Variants in ACKR2 observed in about 807,000 individuals in gnomAD.
ACKR2 encodes the protein C-C chemokine receptor D6.
For missense variants in ACKR2, 457 were observed against 477.3 expected, an observed-to-expected ratio of 0.96 and a Z score of 0.40; for synonymous variants, 207 against 192.2, an observed-to-expected ratio of 1.08 and a Z score of -0.64.
intron 2 of ACKR2, among the ~76,000 whole-genome samples, chr3:42,827,734 A>G (rs1700882542): frequency 6.6e-6 from 1 of 152,096 alleles, no homozygotes; most frequent in Non-Finnish European, 1.5e-5. Context: ...GGACTTGTTC[A>G]CTTTGTCTCT....
Position 42,865,701 on chromosome 3 carries a change from A to C in ACKR2, c.*44A>C. On this transcript the variant is annotated 3_prime_UTR_variant, in exon 3 of 3. Transcript: ENST00000422265. ...GGTGGGAACAGATGGGAACCAGCTC[A>C]ATTGGGTGTCCACTCAAAGTGCTCT... 83 of 1,497,000 alleles carry C rather than the reference A, an allele frequency of 5.5e-5. No individual in the cohort carries two copies. The highest frequency in any genetic ancestry group is 1.9e-4 in the Middle Eastern group (1 of 5,390). The allele number at this position is 1,497,000 out of a possible 1,614,324, so 92.7% of individuals were successfully genotyped here. A position where few individuals can be genotyped will look rare whatever the true frequency, so the allele number is the denominator to read the frequency against.
At chr3:42,839,164 AGGGATCCTT>A (rs1222624786) in intron 2 of ACKR2, 2 of 151,984 alleles carry the variant, frequency 1.3e-5, no homozygotes, top group Non-Finnish European at 2.9e-5. Context: ...CCTGTGGGAG[AGGGATCCTT>A]CATCCTGGAC....
At chr3:42,840,657 T>A (rs1215405246) in intron 2 of ACKR2, among the ~76,000 whole-genome samples, 1 of 152,228 alleles carries the variant, frequency 6.6e-6, no homozygotes, top group East Asian at 1.9e-4. Context: ...ATTATGATAC[T>A]CTATGTTGAG....
chr3:42,817,026 A>G (rs1245011111), intron 1 of ACKR2, among the ~76,000 whole-genome samples: 1 of 152,188 alleles, frequency 6.6e-6, no homozygotes, highest in Non-Finnish European at 1.5e-5. Flanking sequence ...GCTTATGGAC[A>G]TTATGACCTT....
At chr3:42,840,956 C>G (rs1331240399) in intron 2 of ACKR2, among the ~76,000 whole-genome samples, 1 of 152,198 alleles carries the variant, frequency 6.6e-6, no homozygotes, top group Non-Finnish European at 1.5e-5. Context: ...TCCCAAAGTG[C>G]TGGGATTACA....
chr3:42,857,884 C>T (rs1001899522), intron 2 of ACKR2, among the ~76,000 whole-genome samples: 6 of 152,230 alleles, frequency 3.9e-5, no homozygotes, highest in South Asian at 2.1e-4. Context: ...GTTTTCCCCT[C>T]GCAGTGTAAA....
chr3:42,828,906 T>C (rs557930446), intron 2 of ACKR2, among the ~76,000 whole-genome samples: 1 of 152,362 alleles, frequency 6.6e-6, no homozygotes, highest in South Asian at 2.1e-4. Flanking sequence ...CATAGTTGTA[T>C]ATATTAGTGG....
intron 1 of ACKR2, among the ~76,000 whole-genome samples, chr3:42,810,425 TCCTTTTTCG>T (rs1186851656): frequency 3.3e-5 from 5 of 151,100 alleles, no homozygotes; most frequent in Admixed American, 6.6e-5. Context: ...CCAATTTTTC[TCCTTTTTCG>T]CCTTTTTTCC....
intron 2 of ACKR2, among the ~76,000 whole-genome samples, chr3:42,848,554 G>C (rs1701121852): frequency 6.6e-6 from 1 of 151,988 alleles, no homozygotes; most frequent in African/African-American, 2.4e-5. Context: ...ATTAATACAT[G>C]TAGAAAGAAT....
At chr3:42,843,294 C>A (rs1209482901) in intron 2 of ACKR2, among the ~76,000 whole-genome samples, 1 of 151,824 alleles carries the variant, frequency 6.6e-6, no homozygotes, top group African/African-American at 2.4e-5. Context: ...TGGTCTCGAA[C>A]TCCTGACCTC....
intron 1 of ACKR2, among the ~76,000 whole-genome samples, chr3:42,818,928 C>T (rs1700781594): frequency 6.6e-6 from 1 of 151,848 alleles, no homozygotes; most frequent in Non-Finnish European, 1.5e-5. Flanking sequence ...AAAAATGGAT[C>T]TTGGATTCTT....
At chr3:42,839,218 G>C (rs530909383) in intron 2 of ACKR2, 1 of 152,102 alleles carries the variant, frequency 6.6e-6, no homozygotes, top group Non-Finnish European at 1.5e-5. Flanking sequence ...ATAAAAACCA[G>C]AGCCACGTGC....
chr3:42,858,885 G>A (rs1021298163), intron 2 of ACKR2, among the ~76,000 whole-genome samples: 1 of 151,774 alleles, frequency 6.6e-6, no homozygotes, highest in Admixed American at 6.6e-5. Flanking sequence ...GCATACACAA[G>A]GATCAATAGC....
intron 2 of ACKR2, chr3:42,835,433 C>T (rs926982621): frequency 6.6e-6 from 1 of 151,938 alleles, no homozygotes; most frequent in African/African-American, 2.4e-5. Flanking sequence ...CTGCTCTGTT[C>T]ATCTGCCTAT....
rs2088441202 is a variant in ACKR2 at position 42,866,979 on chromosome 3, TCCTC to T, written c.*1325_*1328del. On this transcript the variant is annotated 3_prime_UTR_variant, in exon 3 of 3. Coordinates refer to ENST00000422265, the MANE Select transcript of ACKR2 (RefSeq NM_001296.5). ...GCCACCACCTCCTGAGCTCAAGTGA[TCCTC>T]CCATCTAAGCCCCCAAGTAGCTAGG... 6.1e-6 allele frequency: 1 copy of T among 162,612 alleles called. No homozygotes were observed. Among genetic ancestry groups the T allele is most frequent in the Non-Finnish European group, 1.5e-5 (1 of 68,034 alleles). The allele number at this position is 162,612 out of a possible 1,614,324, so 10.1% of individuals were successfully genotyped here.
intron 1 of ACKR2, among the ~76,000 whole-genome samples, chr3:42,814,187 C>A (rs1700725758): frequency 6.6e-6 from 1 of 152,202 alleles, no homozygotes; most frequent in African/African-American, 2.4e-5. Context: ...AAGAAAATGA[C>A]AATGACACAC....
chr3:42,865,066 T>G lies in ACKR2; in HGVS notation c.564T>G (p.Asn188Lys). 4 of 1,613,990 alleles carry G rather than the reference T, an allele frequency of 2.5e-6. No individual in the cohort carries two copies. Among genetic ancestry groups the G allele is most frequent in the Non-Finnish European group, 3.4e-6 (4 of 1,180,002 alleles). ...TGGTCTTTGTACAGACACATGAAAA[T>G]CCCAAGGGTGTGTGGAACTGCCACG... The part of the protein sequence containing the change: ...PDMVFVQTHE[N>K]PKGVWNCHAD... The change falls in exon 3 of 3, where the codon AAT (asparagine) becomes AAG (lysine). Residue 188 changes from asparagine to lysine, a missense_variant. Physicochemically the swap from Asn to Lys is moderately conservative, Grantham distance 94. Transcript: ENST00000422265.
At position 42,826,403 on chromosome 3, in the gene ACKR2, T is replaced by C. The variant is rs1291269278; in HGVS notation, c.-38+6692T>C. Reference sequence around the variant, plus strand: ...GTTCTGGGCTTTTCTTTGTGGGACATTTTTTGATTACTAATGAAATTCCTT... The same window carrying C: ...GTTCTGGGCTTTTCTTTGTGGGACACTTTTTGATTACTAATGAAATTCCTT... On this transcript the variant is annotated intron_variant, in intron 2 of 2. Coordinates refer to ENST00000422265, the MANE Select transcript of ACKR2 (RefSeq NM_001296.5). Among the ~76,000 whole-genome samples the C allele has an allele frequency of 2.6e-5, 4 of 152,128 alleles. No homozygotes were observed. The East Asian group carries it at 5.8e-4, about 22-fold the overall frequency.
chr3:42,849,992 G>A (rs1045256807), intron 2 of ACKR2, among the ~76,000 whole-genome samples: 3 of 152,084 alleles, frequency 2.0e-5, no homozygotes, highest in Non-Finnish European at 2.9e-5. Flanking sequence ...CAGGAATCTC[G>A]TGCTTTATTT....
Sources: allele counts gnomAD v4.1 joint callset (sites outside exome capture counted in the v4.1 genomes callset), GRCh38; gene constraint gnomAD v4.1.1; transcripts MANE v1.5; gene names NCBI Gene and HGNC (gene_info 2026-07-23, HGNC 2026-07-21).